The following MARCHF1 variants were observed in gnomAD, a reference collection of about 807,000 sequenced individuals.
MARCHF1 encodes membrane associated ring-CH-type finger 1, also known as E3 ubiquitin-protein ligase MARCHF1.
MARCHF1 carries 40 observed loss-of-function variants against 54.2 expected under a neutral mutation model. That is an observed-to-expected ratio of 0.74 (90% CI 0.57 to 0.96). MARCHF1 has a LOEUF of 0.96. MARCHF1 is among the 40% of genes least tolerant of loss of function. The probability of loss-of-function intolerance (pLI) is 0.00; values close to 1 mark genes in which losing one functional copy is unlikely to be tolerated. For missense variants in MARCHF1, 586 were observed against 656.5 expected, an observed-to-expected ratio of 0.89 and a Z score of 1.17; for synonymous variants, 236 against 236.3, an observed-to-expected ratio of 1.00 and a Z score of 0.01.
At chr4:164,255,853 T>A (rs1463326268) in intron 1 of MARCHF1, among the ~76,000 whole-genome samples, 1 of 152,060 alleles carries the variant, frequency 6.6e-6, no homozygotes, top group South Asian at 2.1e-4. Flanking sequence ...ACCAAATACC[T>A]AAAAAATGAG....
At chr4:163,905,972 T>C (rs1751058728) in intron 3 of MARCHF1, among the ~76,000 whole-genome samples, 1 of 152,076 alleles carries the variant, frequency 6.6e-6, no homozygotes, top group African/African-American at 2.4e-5. Flanking sequence ...TCTGTTAACA[T>C]ATGTAATTTA....
At chr4:164,003,282 AT>A (rs1286820661) in intron 2 of MARCHF1, among the ~76,000 whole-genome samples, 2 of 152,036 alleles carry the variant, frequency 1.3e-5, no homozygotes, top group South Asian at 2.1e-4. Flanking sequence ...TAGAAAAAAA[AT>A]AAAAACAAAA....
intron 4 of MARCHF1, among the ~76,000 whole-genome samples, chr4:163,729,348 C>T (rs955916227): frequency 5.9e-5 from 9 of 152,004 alleles, no homozygotes; most frequent in African/African-American, 1.9e-4. Flanking sequence ...AGAGATTGTA[C>T]AGAATTCTTA....
intron 4 of MARCHF1, among the ~76,000 whole-genome samples, chr4:163,727,852 A>AT (rs1368838977): frequency 6.6e-6 from 1 of 150,850 alleles, no homozygotes. Flanking sequence ...TTATTGTTTT[A>AT]TTTTTTTAAT....
chr4:163,878,729 G>A (rs895878563), intron 3 of MARCHF1, among the ~76,000 whole-genome samples: 2 of 152,142 alleles, frequency 1.3e-5, no homozygotes, highest in African/African-American at 4.8e-5. Context: ...TGTGGTTCAC[G>A]TAGAATTAAA....
At position 163,527,264 on chromosome 4, in the gene MARCHF1, A is replaced by AAAC. The variant is rs1266746357; in HGVS notation, c.*1481_*1483dup. The AAAC allele has an allele frequency of 6.6e-6, 1 of 152,018 alleles. No individual in the cohort carries two copies. The highest frequency in any genetic ancestry group is 1.5e-5 in the Non-Finnish European group (1 of 67,958). 9.4% of individuals were successfully genotyped at this position (152,018 alleles called of 1,614,324 possible). A position where few individuals can be genotyped will look rare whatever the true frequency, so the allele number is the denominator to read the frequency against. On this transcript the variant is annotated 3_prime_UTR_variant, in exon 10 of 10. Transcript: ENST00000514618. ...AACACAATAATCAACTGTCAAACCT[A>AAAC]AACGATTAATTACTTATCACAGAAT...
At chr4:163,723,930 C>T (rs910628750) in intron 4 of MARCHF1, among the ~76,000 whole-genome samples, 2 of 152,152 alleles carry the variant, frequency 1.3e-5, no homozygotes, top group Non-Finnish European at 2.9e-5. Flanking sequence ...TTCGTCTAAT[C>T]TTTTTTCAAG....
chr4:164,146,985 C>G lies in MARCHF1; in HGVS notation c.-322-35323G>C, dbSNP rs1287531654. On this transcript the variant is annotated intron_variant, in intron 1 of 9. Coordinates refer to ENST00000514618, the MANE Select transcript of MARCHF1 (RefSeq NM_001394959.1). ...CTCAAACAAATTTACAAGAAAAAAACAAACAACCCCCTCAAAAAGTGGGCA... is the reference window on the plus strand; with the variant it reads ...CTCAAACAAATTTACAAGAAAAAAAGAAACAACCCCCTCAAAAAGTGGGCA... 3.3e-5 allele frequency among the ~76,000 whole-genome samples: 5 copies of G among 151,384 alleles called. No homozygotes were observed. The South Asian group carries it at 8.4e-4, about 25-fold the overall frequency.
chr4:163,612,823 C>A lies in MARCHF1; in HGVS notation c.458G>T (p.Arg153Met). The change falls in exon 7 of 10, where the codon AGG (arginine) becomes ATG (methionine). Residue 153 changes from arginine (R) to methionine (M), a missense_variant. Arg to Met is a moderately conservative substitution (Grantham distance 91). Transcript: ENST00000514618. The stretch of plus-strand genomic sequence containing the variant: ...ATCTGAAGAATCTGTGTAAAGCTCC[C>A]TCCACCTGGGGCTTGAGATTTGAAG... ...FHLQISSPRW[R>M]ELYTDSSDSS... is the part of the protein sequence containing the mutation. 6.5e-7 allele frequency: 1 copy of A among 1,535,198 alleles called. No individual in the cohort carries two copies. The highest frequency in any genetic ancestry group is 1.2e-5 in the South Asian group (1 of 83,980).
intron 3 of MARCHF1, among the ~76,000 whole-genome samples, chr4:163,959,367 A>G (rs1425337245): frequency 6.8e-6 from 1 of 147,946 alleles, no homozygotes; most frequent in Non-Finnish European, 1.5e-5. Context: ...AAAACACAAA[A>G]CAAACAAAAA....
At chr4:163,623,022 G>C (rs1741741802) in intron 5 of MARCHF1, among the ~76,000 whole-genome samples, 1 of 152,208 alleles carries the variant, frequency 6.6e-6, no homozygotes, top group Non-Finnish European at 1.5e-5. Context: ...CAGTTGGAAA[G>C]AGAGTTGGAA....
In MARCHF1 at chr4:163,815,520, T is replaced by C. The variant is rs185978615; in HGVS notation, c.111+38501A>G. Reference sequence around the variant, plus strand: ...TGATAAAAGTAAAGAGGCTCAGAGATGAAATTCCTCCATGAGGATTACAGG... The same window carrying C: ...TGATAAAAGTAAAGAGGCTCAGAGACGAAATTCCTCCATGAGGATTACAGG... On this transcript the variant is annotated intron_variant, in intron 4 of 9. Coordinates refer to ENST00000514618, the MANE Select transcript of MARCHF1 (RefSeq NM_001394959.1). Among the ~76,000 whole-genome samples the C allele has an allele frequency of 3.9e-5, 6 of 152,286 alleles. No homozygotes were observed. In the East Asian group the frequency reaches 1.2e-3, roughly 29 times the overall value.
chr4:164,253,008 T>C (rs903673728), intron 1 of MARCHF1, among the ~76,000 whole-genome samples: 1 of 151,934 alleles, frequency 6.6e-6, no homozygotes, highest in Non-Finnish European at 1.5e-5. Flanking sequence ...ATTCTCCAGC[T>C]GAAAAAGTCC....
chr4:164,017,376 A>C (rs1408798438), intron 2 of MARCHF1, among the ~76,000 whole-genome samples: 3 of 151,972 alleles, frequency 2.0e-5, no homozygotes, highest in Non-Finnish European at 4.4e-5. Flanking sequence ...TACACAAAAC[A>C]AAATTATCTT....
chr4:164,095,114 T>C (rs1755382207), intron 2 of MARCHF1, among the ~76,000 whole-genome samples: 1 of 152,076 alleles, frequency 6.6e-6, no homozygotes, highest in East Asian at 1.9e-4. Flanking sequence ...ATACCTACAG[T>C]TGTTAGACGG....
intron 1 of MARCHF1, among the ~76,000 whole-genome samples, chr4:164,177,425 A>T (rs1020862599): frequency 6.6e-6 from 1 of 152,156 alleles, no homozygotes; most frequent in African/African-American, 2.4e-5. Flanking sequence ...TGCAATTACC[A>T]TGCACGGAGA....
At chr4:163,727,054 C>T (rs982147598) in intron 4 of MARCHF1, among the ~76,000 whole-genome samples, 11 of 152,024 alleles carry the variant, frequency 7.2e-5, no homozygotes, top group Non-Finnish European at 1.5e-4. Context: ...CCTTTTGCAG[C>T]GAAGTTTTAA....
chr4:164,033,764 A>G (rs555863012), intron 2 of MARCHF1, among the ~76,000 whole-genome samples: 99 of 152,262 alleles, frequency 6.5e-4, no homozygotes, highest in African/African-American at 2.3e-3. Context: ...ATTAAAAAGT[A>G]AAAAGACAAC....
intron 1 of MARCHF1, among the ~76,000 whole-genome samples, chr4:164,225,777 G>C (rs1452090432): frequency 1.3e-5 from 2 of 151,934 alleles, no homozygotes; most frequent in Non-Finnish European, 2.9e-5. Flanking sequence ...AAACAGTTTG[G>C]CAGTTTCTTT....
Sources: gnomAD v4.1 joint callset for allele counts (sites outside exome capture counted in the v4.1 genomes callset) on GRCh38, gnomAD v4.1.1 for gene constraint, MANE v1.5 for transcripts, NCBI Gene and HGNC (gene_info 2026-07-23, HGNC 2026-07-21) for gene names.